Variants in OLFM3 observed in about 807,000 individuals in gnomAD.
OLFM3 encodes the protein olfactomedin 3, also known as noelin-3.
Under a neutral mutation model 48.6 loss-of-function variants are expected in OLFM3, and 20 were observed. The observed-to-expected ratio is 0.41, with a 90% CI of 0.29 to 0.60. The LOEUF (loss-of-function observed/expected upper bound fraction) is 0.60. Among genes scored for constraint, OLFM3 ranks in the 20% least tolerant of loss-of-function variants. OLFM3 has a pLI of 0.28. For synonymous variants in OLFM3, 222 were observed against 198.1 expected, an observed-to-expected ratio of 1.12 and a Z score of -1.01; for missense variants, 437 against 544.3, an observed-to-expected ratio of 0.80 and a Z score of 1.96.
chr1:101,880,263 C>T (rs1037129904), intron 1 of OLFM3, among the ~76,000 whole-genome samples: 6 of 151,732 alleles, frequency 4.0e-5, no homozygotes, highest in African/African-American at 1.5e-4. Flanking sequence ...TGGATACCTG[C>T]TATTCTGCCA....
rs187014118 is a variant in OLFM3, at chr1:101,819,748, A to T, written c.592+5278T>A. On this transcript the variant is annotated intron_variant, in intron 4 of 5. Coordinates refer to ENST00000370103, the MANE Select transcript of OLFM3 (RefSeq NM_058170.4). ...TTGTACTCCACAAAAGACATTATGT[A>T]TGGGGAAAGAAATCTCAGTCTTTGA... Among the ~76,000 whole-genome samples the T allele has an allele frequency of 6.6e-3, 1,005 of 152,140 alleles. 12 individuals carry two copies. Among genetic ancestry groups the T allele is most frequent in the Middle Eastern group, 0.01 (3 of 294 alleles).
chr1:101,902,922 T>C (rs1427706525), intron 1 of OLFM3, among the ~76,000 whole-genome samples: 1 of 152,216 alleles, frequency 6.6e-6, no homozygotes, highest in East Asian at 1.9e-4. Flanking sequence ...GCCCATACTC[T>C]TGACCACCTT....
chr1:101,832,943 T>G (rs1655234816), intron 2 of OLFM3, among the ~76,000 whole-genome samples: 1 of 152,188 alleles, frequency 6.6e-6, no homozygotes, highest in Admixed American at 6.5e-5. Flanking sequence ...CAACATAACT[T>G]TCTAACTTCA....
At chr1:101,940,202 A>C (rs1304307929) in intron 1 of OLFM3, among the ~76,000 whole-genome samples, 1 of 152,116 alleles carries the variant, frequency 6.6e-6, no homozygotes, top group East Asian at 1.9e-4. Context: ...TAGAACAGTG[A>C]TACTGGGTCA....
rs754805738 is a variant in OLFM3 at position 101,825,148 on chromosome 1, A to G, written c.470T>C (p.Ile157Thr). 3.7e-6 allele frequency: 6 copies of G among 1,613,936 alleles called. No homozygotes were observed. Among genetic ancestry groups the G allele is most frequent in the Non-Finnish European group, 5.1e-6 (6 of 1,179,932 alleles). Residue 157 changes from isoleucine to threonine, a missense_variant, in exon 4 of 6, where the codon ATA (isoleucine) becomes ACA (threonine). By Grantham distance (89) the Ile-to-Thr change is moderately conservative. Coordinates refer to ENST00000370103, the MANE Select transcript of OLFM3 (RefSeq NM_058170.4). Reference protein sequence around the residue: ...AKLITQFKEEIRNLSAVLTGI... With the variant: ...AKLITQFKEETRNLSAVLTGI... ...AGTGAGGACAGCAGACAGATTCCTT[A>G]TTTCCTCCTTGAACTGGGTGATTAA...
chr1:101,908,599 A>G (rs78046885), intron 1 of OLFM3, among the ~76,000 whole-genome samples: 3,911 of 152,290 alleles, frequency 0.026, 119 homozygotes, highest in East Asian at 0.16. Context: ...GACCCCCTAA[A>G]AGATATGTAC....
chr1:101,971,356 C>T (rs1489960355), intron 1 of OLFM3, among the ~76,000 whole-genome samples: 4 of 152,262 alleles, frequency 2.6e-5, no homozygotes, highest in Non-Finnish European at 2.9e-5. Flanking sequence ...GGTGGCCCTA[C>T]GCTTTTCTTT....
chr1:101,863,612 G>T (rs1479425706), intron 1 of OLFM3, among the ~76,000 whole-genome samples: 1 of 152,118 alleles, frequency 6.6e-6, no homozygotes, highest in Admixed American at 6.5e-5. Context: ...CCTAGATCAG[G>T]AAAGTAAGGA....
At chr1:101,963,665 C>T (rs1360996) in intron 1 of OLFM3, among the ~76,000 whole-genome samples, 33,360 of 151,968 alleles carry the variant, frequency 0.22, 4,128 homozygotes, top group East Asian at 0.5. Flanking sequence ...TTTCATTTCA[C>T]CTCTTTGTGA....
chr1:101,892,624 T>G (rs534493518), intron 1 of OLFM3, among the ~76,000 whole-genome samples: 1 of 152,220 alleles, frequency 6.6e-6, no homozygotes, highest in Admixed American at 6.5e-5. Flanking sequence ...CCTTTTCATT[T>G]TAATGTCCAA....
intron 1 of OLFM3, among the ~76,000 whole-genome samples, chr1:101,918,798 C>A (rs1349272172): frequency 2.0e-5 from 3 of 152,070 alleles, no homozygotes; most frequent in Non-Finnish European, 4.4e-5. Context: ...GCCATAAATA[C>A]CTTACATTTT....
At chr1:101,991,427 T>C (rs1661407912) in intron 1 of OLFM3, among the ~76,000 whole-genome samples, 1 of 152,070 alleles carries the variant, frequency 6.6e-6, no homozygotes, top group South Asian at 2.1e-4. Flanking sequence ...TAGCTGAAGG[T>C]TTATCCAGTC....
intron 1 of OLFM3, among the ~76,000 whole-genome samples, chr1:101,922,998 G>A (rs970863531): frequency 6.6e-6 from 1 of 152,180 alleles, no homozygotes; most frequent in African/African-American, 2.4e-5. Context: ...ATAAAAGAGT[G>A]ACTCAGTTTT....
chr1:101,846,457 A>C (rs537077749), intron 1 of OLFM3, among the ~76,000 whole-genome samples: 107 of 152,246 alleles, frequency 7.0e-4, no homozygotes, highest in African/African-American at 2.5e-3. Flanking sequence ...GATTTGACAG[A>C]ATATACTTTG....
intron 4 of OLFM3, among the ~76,000 whole-genome samples, chr1:101,810,711 G>A (rs1193359649): frequency 6.6e-6 from 1 of 151,910 alleles, no homozygotes; most frequent in African/African-American, 2.4e-5. Flanking sequence ...CCTTTATCCT[G>A]TAAGGAATAG....
intron 1 of OLFM3, among the ~76,000 whole-genome samples, chr1:101,961,117 A>G (rs1660455312): frequency 6.6e-6 from 1 of 152,162 alleles, no homozygotes; most frequent in Admixed American, 6.6e-5. Flanking sequence ...GCTTATCTAT[A>G]GAACTGGTAA....
chr1:101,966,783 T>C (rs1660622467), intron 1 of OLFM3, among the ~76,000 whole-genome samples: 1 of 152,192 alleles, frequency 6.6e-6, no homozygotes. Flanking sequence ...AATACACTGA[T>C]ATGGTCTTTC....
intron 1 of OLFM3, among the ~76,000 whole-genome samples, chr1:101,927,332 A>AT (rs1449232200): frequency 3.9e-5 from 6 of 152,096 alleles, no homozygotes; most frequent in Non-Finnish European, 5.9e-5. Flanking sequence ...TAGAATATAG[A>AT]TTTTTTATCA....
chr1:101,852,125 A>T (rs936582316), intron 1 of OLFM3, among the ~76,000 whole-genome samples: 9 of 149,962 alleles, frequency 6.0e-5, no homozygotes, highest in African/African-American at 2.2e-4. Flanking sequence ...ATACCACCAT[A>T]CTTTTCCTAC....
Sources: allele counts gnomAD v4.1 joint callset (sites outside exome capture counted in the v4.1 genomes callset), GRCh38; gene constraint gnomAD v4.1.1; transcripts MANE v1.5; gene names NCBI Gene and HGNC (gene_info 2026-07-23, HGNC 2026-07-21).